The following ELMO1 variants were observed in gnomAD, a reference collection of about 807,000 sequenced individuals.
ELMO1 encodes engulfment and cell motility protein 1.
In ELMO1, 26 loss-of-function variants were observed where a neutral mutation model predicts 98.9. The ratio of observed to expected loss-of-function variants is 0.26; its 90% CI spans 0.19 to 0.36. The LOEUF (loss-of-function observed/expected upper bound fraction) is 0.36, where lower values mean the gene tolerates loss of function less well. ELMO1 is among the 10% of genes least tolerant of loss of function. ELMO1 has a pLI of 1.00. For synonymous variants in ELMO1, 346 were observed against 346.0 expected (o/e 1.00, Z 0.00); for missense variants, 627 against 935.2 (o/e 0.67, Z 4.30).
intron 1 of ELMO1, chr7:37,353,232 G>A (rs1038229395): frequency 6.6e-6 from 1 of 152,194 alleles, no homozygotes; most frequent in Non-Finnish European, 1.5e-5. Context: ...TTTGTGTCCA[G>A]AATTGGTGCG....
chr7:37,153,624 G>A (rs1246792816), intron 13 of ELMO1, among the ~76,000 whole-genome samples: 1 of 152,060 alleles, frequency 6.6e-6, no homozygotes, highest in Admixed American at 6.5e-5. Context: ...GCGGTTCTAT[G>A]TTCACAGTGT....
intron 16 of ELMO1, among the ~76,000 whole-genome samples, chr7:36,992,947 G>A (rs13235896): frequency 0.039 from 5,950 of 152,116 alleles, 122 homozygotes; most frequent in Middle Eastern, 0.099. Context: ...TATGCATTCC[G>A]GTCTCCTGTG....
At chr7:37,192,980 T>C (rs1419765832) in intron 13 of ELMO1, among the ~76,000 whole-genome samples, 1 of 41,212 alleles carries the variant, frequency 2.4e-5, no homozygotes, top group Non-Finnish European at 4.9e-5. Flanking sequence ...GATATATATA[T>C]ATATATATAT....
chr7:37,346,795 C>T (rs4382376), intron 1 of ELMO1, among the ~76,000 whole-genome samples: 6 of 152,128 alleles, frequency 3.9e-5, no homozygotes, highest in Admixed American at 1.3e-4. Context: ...ATAAAATTGT[C>T]TAGAATTACA....
intron 14 of ELMO1, among the ~76,000 whole-genome samples, chr7:37,100,317 G>A (rs998928400): frequency 2.6e-5 from 4 of 152,194 alleles, no homozygotes; most frequent in African/African-American, 4.8e-5. Flanking sequence ...GACCAAAGCT[G>A]CTGCAGTGTC....
At chr7:37,121,655 G>A (rs373229347) in intron 14 of ELMO1, among the ~76,000 whole-genome samples, 44 of 152,268 alleles carry the variant, frequency 2.9e-4, no homozygotes, top group African/African-American at 1.0e-3. Flanking sequence ...TCTGATTGGT[G>A]TACCTGAAAG....
chr7:37,063,948 A>G (rs1796808721), intron 15 of ELMO1, among the ~76,000 whole-genome samples: 1 of 152,088 alleles, frequency 6.6e-6, no homozygotes, highest in Non-Finnish European at 1.5e-5. Context: ...CATTATTACA[A>G]TCATGCTCTT....
At position 37,267,025 on chromosome 7, in the gene ELMO1, AAATATG is replaced by A. The variant is rs1352626529; in HGVS notation, c.243+4801_243+4806del. ...AAGACTCCATCTAAAAAAAAAAAAA[AAATATG>A]TATATATACACACACACACACACAC... On this transcript the variant is annotated intron_variant, in intron 5 of 21. Coordinates refer to ENST00000310758, the MANE Select transcript of ELMO1 (RefSeq NM_014800.11). 8.7e-5 allele frequency among the ~76,000 whole-genome samples: 9 copies of A among 103,932 alleles called. 1 individual carries two copies. In the East Asian group the frequency reaches 2.0e-3, roughly 23 times the overall value. The allele number at this position is 103,932 out of a possible 152,430, so 68.2% of individuals were successfully genotyped here.
intron 11 of ELMO1, among the ~76,000 whole-genome samples, chr7:37,215,992 CTT>C (rs56397617): frequency 0.01 from 1,508 of 145,216 alleles, 4 homozygotes; most frequent in Middle Eastern, 0.018. Flanking sequence ...TCCTCTTTTC[CTT>C]TTTTTTTTTT....
chr7:37,038,419 A>T (rs1434225540), intron 15 of ELMO1, among the ~76,000 whole-genome samples: 1 of 152,158 alleles, frequency 6.6e-6, no homozygotes, highest in Non-Finnish European at 1.5e-5. Flanking sequence ...TGTTTCTCTT[A>T]TTTTAATAGA....
intron 16 of ELMO1, among the ~76,000 whole-genome samples, chr7:37,007,664 T>C (rs1793238450): frequency 6.6e-6 from 1 of 152,164 alleles, no homozygotes; most frequent in Non-Finnish European, 1.5e-5. Context: ...CTGCAAACAG[T>C]TTGAGAAGCA....
chr7:37,363,308 T>C (rs1341648699), intron 1 of ELMO1, among the ~76,000 whole-genome samples: 1 of 152,026 alleles, frequency 6.6e-6, no homozygotes, highest in African/African-American at 2.4e-5. Context: ...AGCCCTTAGA[T>C]CTATTCTCTA....
intron 4 of ELMO1, among the ~76,000 whole-genome samples, chr7:37,297,201 T>C (rs1480909327): frequency 1.3e-5 from 2 of 152,116 alleles, no homozygotes; most frequent in Non-Finnish European, 2.9e-5. Flanking sequence ...ATTATCAGAG[T>C]TTACGCTGAT....
chr7:37,189,409 GC>G (rs1324668861), intron 13 of ELMO1, among the ~76,000 whole-genome samples: 1 of 152,200 alleles, frequency 6.6e-6, no homozygotes, highest in East Asian at 1.9e-4. Context: ...AGTGAATTAT[GC>G]AAAGAAGACA....
chr7:37,388,464 T>C (rs898357095), intron 1 of ELMO1, among the ~76,000 whole-genome samples: 4 of 151,472 alleles, frequency 2.6e-5, no homozygotes, highest in Admixed American at 2.0e-4. Context: ...TTTCAAAGAA[T>C]GACATTTCAG....
chr7:36,986,220 C>T, intron 16 of ELMO1: 1 of 985,518 alleles, frequency 1.0e-6, no homozygotes, highest in Non-Finnish European at 1.2e-6. Context: ...AAAGATCAGC[C>T]AATCAAAGGG....
At chr7:36,956,563 AT>A (rs1404556012) in intron 16 of ELMO1, among the ~76,000 whole-genome samples, 2 of 152,226 alleles carry the variant, frequency 1.3e-5, no homozygotes, top group East Asian at 3.8e-4. Context: ...AGGTCACTTT[AT>A]TCAACAAGTT....
rs71780142 is a variant in ELMO1 at position 37,171,483 on chromosome 7, A to ATTTTTTTTTTTTTT, written c.1087-38263_1087-38250dup. On this transcript the variant is annotated intron_variant, in intron 13 of 21. Transcript: ENST00000310758. ...TTTATTCTTGTAACCAGGCCTTTCT[A>ATTTTTTTTTTTTTT]TTTTTTTTTTTTTTTTTTTTTTTTT... is the stretch of plus-strand genomic sequence containing the variant. Among the ~76,000 whole-genome samples the ATTTTTTTTTTTTTT allele has an allele frequency of 3.6e-5, 3 of 82,914 alleles. 1 individual carries two copies. The highest frequency in any genetic ancestry group is 6.7e-5 in the Non-Finnish European group (3 of 44,654). 54.4% of individuals were successfully genotyped at this position (82,914 alleles called of 152,430 possible). A position where few individuals can be genotyped will look rare whatever the true frequency, so the allele number is the denominator to read the frequency against.
At position 37,213,445 on chromosome 7, in the gene ELMO1, C is replaced by A; in HGVS notation, c.844G>T (p.Ala282Ser). The A allele has an allele frequency of 6.2e-7, 1 of 1,611,680 alleles. No individual in the cohort carries two copies. The highest frequency in any genetic ancestry group is 1.1e-5 in the South Asian group (1 of 90,922). Reference sequence around the variant, plus strand: ...ATCTCATTGTTGATGGCCCGCTGGGCTCGGATGACATGCTAGGGAGATGGT... The same window carrying A: ...ATCTCATTGTTGATGGCCCGCTGGGATCGGATGACATGCTAGGGAGATGGT... ...RSIILTHVIR[A>S]QRAINNEMAH... The change falls in exon 12 of 22, where the codon GCC (alanine) becomes TCC (serine). Residue 282 changes from alanine to serine, a missense_variant. By Grantham distance (99) the Ala-to-Ser change is moderately conservative. This residue lies in a region of ELMO1 where 492 missense variants were observed against 715.6 expected (regional missense o/e 0.69). Coordinates refer to ENST00000310758, the MANE Select transcript of ELMO1 (RefSeq NM_014800.11).
Sources: allele counts gnomAD v4.1 joint callset (sites outside exome capture counted in the v4.1 genomes callset), GRCh38; gene constraint gnomAD v4.1.1; regional missense constraint gnomAD v4.1.1; transcripts MANE v1.5; gene names NCBI Gene and HGNC (gene_info 2026-07-23, HGNC 2026-07-21).